SYN3: variants seen among roughly 807,000 people sequenced by gnomAD.
The protein encoded by SYN3 is synapsin-3.
SYN3 carries 35 observed loss-of-function variants against 65.8 expected under a neutral mutation model. The observed-to-expected ratio is 0.53, with a 90% CI of 0.41 to 0.70. SYN3 has a LOEUF of 0.70. Ranked by LOEUF, SYN3 falls within the 30% of genes least tolerant of loss-of-function variation. The pLI is 0.00. For missense variants in SYN3, 680 were observed against 749.0 expected, an observed-to-expected ratio of 0.91 and a Z score of 1.08; for synonymous variants, 270 against 292.9, an observed-to-expected ratio of 0.92 and a Z score of 0.80.
At position 32,799,818 on chromosome 22, in the gene SYN3, TGA is replaced by T. The variant is rs1388856195; in HGVS notation, c.711+65095_711+65096del. The stretch of plus-strand genomic sequence containing the variant: ...AGTCTCCTGAGACCCTATTTGGTTC[TGA>T]GAGGGCTAAAAAGCAGTGTGGCTAA... On this transcript the variant is annotated intron_variant, in intron 6 of 13. Coordinates refer to ENST00000358763, the MANE Select transcript of SYN3 (RefSeq NM_003490.4). Among the ~76,000 whole-genome samples the T allele has an allele frequency of 5.9e-5, 9 of 152,308 alleles. No individual in the cohort carries two copies. The East Asian group carries it at 1.5e-3, about 26-fold the overall frequency.
At position 32,978,347 on chromosome 22, in the gene SYN3, G is replaced by A. The variant is rs191518075; in HGVS notation, c.369+2298C>T. On this transcript the variant is annotated intron_variant, in intron 3 of 13. Coordinates refer to ENST00000358763, the MANE Select transcript of SYN3 (RefSeq NM_003490.4). ...ATCCGGGAGCCAGAGCAGGTTTCTG[G>A]CTAAGGTGGAAGGTAGATGGCCACA... Among the ~76,000 whole-genome samples, 20 of 152,166 alleles carry A rather than the reference G, an allele frequency of 1.3e-4. No homozygotes were observed. The East Asian group carries it at 3.7e-3, about 28-fold the overall frequency.
chr22:32,742,405 A>G (rs2044799703), intron 6 of SYN3, among the ~76,000 whole-genome samples: 1 of 152,214 alleles, frequency 6.6e-6, no homozygotes, highest in Admixed American at 6.5e-5. Context: ...CTGGAAAAGA[A>G]GAGAACAGGA....
At chr22:32,908,604 A>G (rs559431335) in intron 4 of SYN3, among the ~76,000 whole-genome samples, 1 of 152,266 alleles carries the variant, frequency 6.6e-6, no homozygotes, top group Admixed American at 6.5e-5. Flanking sequence ...CAGAGGTCCT[A>G]TCTGGCTTAT....
intron 6 of SYN3, among the ~76,000 whole-genome samples, chr22:32,763,476 C>T (rs1165161552): frequency 6.6e-6 from 1 of 152,160 alleles, no homozygotes; most frequent in Non-Finnish European, 1.5e-5. Context: ...AAGAGTACTT[C>T]TTGATGAAGT....
At chr22:32,581,953 C>T (rs753781207) in intron 7 of SYN3, among the ~76,000 whole-genome samples, 1 of 151,752 alleles carries the variant, frequency 6.6e-6, no homozygotes, top group African/African-American at 2.4e-5. Flanking sequence ...GCGTGCACCA[C>T]CAAACCCGGA....
intron 6 of SYN3, among the ~76,000 whole-genome samples, chr22:32,624,672 G>A (rs1327166875): frequency 6.6e-6 from 1 of 152,182 alleles, no homozygotes; most frequent in Admixed American, 6.5e-5. Flanking sequence ...GCCTTTGGTC[G>A]CTGGGCACCT....
At chr22:32,852,733 C>T (rs1469368727) in intron 6 of SYN3, among the ~76,000 whole-genome samples, 2 of 140,944 alleles carry the variant, frequency 1.4e-5, no homozygotes, top group Admixed American at 1.4e-4. Flanking sequence ...CAGAGACCTG[C>T]GATATGTGTG....
At chr22:33,026,338 ACT>A (rs2053641089) in intron 1 of SYN3, among the ~76,000 whole-genome samples, 1 of 151,688 alleles carries the variant, frequency 6.6e-6, no homozygotes, top group African/African-American at 2.4e-5. Flanking sequence ...TCTGATTGAT[ACT>A]CTCTGTGGCC....
intron 3 of SYN3, among the ~76,000 whole-genome samples, chr22:32,948,457 C>A (rs1446515479): frequency 6.6e-6 from 1 of 152,100 alleles, no homozygotes; most frequent in Non-Finnish European, 1.5e-5. Context: ...TCTCTTTGGG[C>A]CAGGCGCGGT....
chr22:32,608,430 T>C (rs2059398318), intron 6 of SYN3, among the ~76,000 whole-genome samples: 2 of 152,228 alleles, frequency 1.3e-5, no homozygotes, highest in South Asian at 4.1e-4. Flanking sequence ...AGAAAATAGT[T>C]GAATAACAAT....
intron 4 of SYN3, among the ~76,000 whole-genome samples, chr22:32,875,393 G>C (rs1042979576): frequency 1.3e-5 from 2 of 152,116 alleles, no homozygotes; most frequent in Non-Finnish European, 2.9e-5. Context: ...TCTTTATTCC[G>C]GTCTCTTCCT....
chr22:32,646,635 C>G (rs939664518), intron 6 of SYN3, among the ~76,000 whole-genome samples: 1 of 152,058 alleles, frequency 6.6e-6, no homozygotes, highest in Non-Finnish European at 1.5e-5. Flanking sequence ...GTTATGGGAG[C>G]AGGAGGATGT....
At chr22:32,605,619 A>T (rs2059361875) in intron 6 of SYN3, among the ~76,000 whole-genome samples, 1 of 152,250 alleles carries the variant, frequency 6.6e-6, no homozygotes, top group Non-Finnish European at 1.5e-5. Context: ...TTTTTGGCCT[A>T]AGATCACTCA....
intron 6 of SYN3, among the ~76,000 whole-genome samples, chr22:32,788,165 C>T (rs976320154): frequency 5.3e-5 from 8 of 152,014 alleles, no homozygotes; most frequent in African/African-American, 1.9e-4. Flanking sequence ...CTGTGGATTC[C>T]ACATCGGGAT....
chr22:32,591,221 C>T (rs1206618678), intron 7 of SYN3, among the ~76,000 whole-genome samples: 1 of 151,452 alleles, frequency 6.6e-6, no homozygotes, highest in Non-Finnish European at 1.5e-5. Context: ...AAGACGGAGA[C>T]ATATGGCTGC....
At chr22:32,708,606 G>T (rs1205204964) in intron 6 of SYN3, among the ~76,000 whole-genome samples, 1 of 152,168 alleles carries the variant, frequency 6.6e-6, no homozygotes. Flanking sequence ...GACCCTACCC[G>T]GTGGTTTGGG....
intron 6 of SYN3, among the ~76,000 whole-genome samples, chr22:32,827,169 T>C (rs2047436775): frequency 6.6e-6 from 1 of 152,222 alleles, no homozygotes; most frequent in Non-Finnish European, 1.5e-5. Flanking sequence ...GCAGGAGAGA[T>C]GAGCTTTGGC....
At chr22:32,947,559 T>G (rs2051150722) in intron 3 of SYN3, 1 of 152,178 alleles carries the variant, frequency 6.6e-6, no homozygotes, top group Admixed American at 6.5e-5. Context: ...AACCTAAGTT[T>G]CCAGGAACAA....
intron 7 of SYN3, among the ~76,000 whole-genome samples, chr22:32,545,159 G>C (rs1056411713): frequency 6.6e-6 from 1 of 152,212 alleles, no homozygotes; most frequent in African/African-American, 2.4e-5. Context: ...CTTTGACAGT[G>C]TAGCTGAGGG....
Sources: gnomAD v4.1 joint callset for allele counts (sites outside exome capture counted in the v4.1 genomes callset) on GRCh38, gnomAD v4.1.1 for gene constraint, MANE v1.5 for transcripts, NCBI Gene and HGNC (gene_info 2026-07-23, HGNC 2026-07-21) for gene names.